Variants in DYNLT2B observed in about 807,000 individuals in gnomAD.
DYNLT2B encodes the protein dynein light chain Tctex-type 2B.
In DYNLT2B, 14 loss-of-function variants were observed where a neutral mutation model predicts 19.5. The observed-to-expected ratio is 0.72, with a 90% CI of 0.47 to 1.12. DYNLT2B has a LOEUF of 1.12. DYNLT2B is among the 50% of genes most tolerant of loss of function. The pLI, the probability that DYNLT2B is intolerant of heterozygous loss-of-function variation, is 0.00. For synonymous variants in DYNLT2B, 70 were observed against 59.7 expected, an observed-to-expected ratio of 1.17 and a Z score of -0.79; for missense variants, 133 against 174.7, an observed-to-expected ratio of 0.76 and a Z score of 1.35.
At chr3:196,317,979 A>T (rs1726930165) in intron 1 of DYNLT2B, 61 bp downstream of exon 1, 3 of 1,044,794 alleles carry the variant, frequency 2.9e-6, no homozygotes, top group Non-Finnish European at 3.9e-6. Context: ...GTCCCAGGCG[A>T]GCTCCGCCCC....
intron 2 of DYNLT2B, among the ~76,000 whole-genome samples, chr3:196,309,947 CAAA>C (rs113938332): frequency 1.5e-5 from 2 of 129,666 alleles, no homozygotes; most frequent in Non-Finnish European, 1.6e-5. Context: ...AAACTCAGTC[CAAA>C]AAAAAAAAGA....
intron 1 of DYNLT2B, 100 bp from the exon 2 acceptor site, chr3:196,316,331 A>C: frequency 1.7e-6 from 2 of 1,204,564 alleles, no homozygotes; most frequent in Non-Finnish European, 2.2e-6. Context: ...AGTACCACTT[A>C]ATCCTTCTTT....
chr3:196,301,995 T>C (rs1356899846), intron 3 of DYNLT2B, among the ~76,000 whole-genome samples: 1 of 151,986 alleles, frequency 6.6e-6, no homozygotes, highest in Admixed American at 6.6e-5. Flanking sequence ...TAGTCTCTGC[T>C]ACTTGGGAGG....
At chr3:196,315,153 C>T (rs535723628) in intron 2 of DYNLT2B, 2 of 397,868 alleles carry the variant, frequency 5.0e-6, no homozygotes, top group Non-Finnish European at 9.7e-6. Flanking sequence ...GAGTAAAAGT[C>T]ACCAAATAAT....
intron 3 of DYNLT2B, among the ~76,000 whole-genome samples, chr3:196,302,931 C>T (rs1726391876): frequency 6.6e-6 from 1 of 151,756 alleles, no homozygotes; most frequent in African/African-American, 2.4e-5. Flanking sequence ...CCAAAGCAGA[C>T]CTCCTTCTTG....
At chr3:196,304,411 G>A (rs1303337228) in intron 3 of DYNLT2B, among the ~76,000 whole-genome samples, 1 of 152,184 alleles carries the variant, frequency 6.6e-6, no homozygotes, top group Non-Finnish European at 1.5e-5. Flanking sequence ...GAGATTACAG[G>A]TGGGAGCCAC....
chr3:196,307,360 G>A (rs1293909255), intron 2 of DYNLT2B, among the ~76,000 whole-genome samples: 2 of 151,940 alleles, frequency 1.3e-5, no homozygotes, highest in Admixed American at 1.3e-4. Flanking sequence ...GGAGTACAGT[G>A]GCACGATCTC....
At chr3:196,309,862 C>T (rs528973549) in intron 2 of DYNLT2B, among the ~76,000 whole-genome samples, 2 of 151,062 alleles carry the variant, frequency 1.3e-5, no homozygotes, top group South Asian at 4.2e-4. Context: ...GCAGGAGAAT[C>T]GCTTGAACCT....
chr3:196,311,939 T>C (rs1299760166), intron 2 of DYNLT2B, among the ~76,000 whole-genome samples: 2 of 152,294 alleles, frequency 1.3e-5, no homozygotes, highest in Admixed American at 1.3e-4. Context: ...TTGGCCAGGC[T>C]TGAGTGCAAT....
chr3:196,309,090 T>C (rs1435554734), intron 2 of DYNLT2B, among the ~76,000 whole-genome samples: 1 of 152,020 alleles, frequency 6.6e-6, no homozygotes, highest in Non-Finnish European at 1.5e-5. Flanking sequence ...TAAACAAAGA[T>C]GCAATAGCAA....
rs772673989 is a variant in DYNLT2B at position 196,316,163 on chromosome 3, T to C, written c.182A>G (p.Tyr61Cys). Reference protein sequence around the residue: ...VLKEELANAEYSPEEMPQLTK... With the variant: ...VLKEELANAECSPEEMPQLTK... ...AAGCTGAGGCATTTCTTCTGGAGAA[T>C]ATTCAGCATTTGCCAGTTCCTCCTT... Residue 61 changes from tyrosine to cysteine, a missense_variant, in exon 2 of 5, where the codon TAT becomes TGT. Physicochemically the swap from Tyr to Cys is radical, Grantham distance 194. Coordinates refer to ENST00000325318, the MANE Select transcript of DYNLT2B (RefSeq NM_152773.5). The C allele has an allele frequency of 1.2e-6, 2 of 1,613,868 alleles. 1 individual carries two copies. The highest frequency in any genetic ancestry group is 4.5e-5 in the East Asian group (2 of 44,898).
intron 3 of DYNLT2B, among the ~76,000 whole-genome samples, chr3:196,300,081 G>A (rs1227267864): frequency 6.6e-6 from 1 of 152,200 alleles, no homozygotes; most frequent in Non-Finnish European, 1.5e-5. Flanking sequence ...ATGGGCTAAG[G>A]AGTTCAGGGG....
At chr3:196,302,603 G>A (rs1726383305) in intron 3 of DYNLT2B, among the ~76,000 whole-genome samples, 1 of 152,180 alleles carries the variant, frequency 6.6e-6, no homozygotes, top group South Asian at 2.1e-4. Flanking sequence ...AATGGGAGAG[G>A]AGAGACAAAT....
chr3:196,291,442 C>G, intron 4 of DYNLT2B, 68 bp from the exon 5 acceptor site: 1 of 1,495,324 alleles, frequency 6.7e-7, no homozygotes. Flanking sequence ...GAGAGCAGCA[C>G]AGGCAACTGA....
At chr3:196,313,737 AAAAAC>A (rs1315841949) in intron 2 of DYNLT2B, among the ~76,000 whole-genome samples, 1 of 152,230 alleles carries the variant, frequency 6.6e-6, no homozygotes, top group Non-Finnish European at 1.5e-5. Context: ...TTCTTAAACT[AAAAAC>A]AAATTCAGAA....
At chr3:196,311,664 TA>T (rs1726646913) in intron 2 of DYNLT2B, among the ~76,000 whole-genome samples, 2 of 39,492 alleles carry the variant, frequency 5.1e-5, no homozygotes, top group African/African-American at 1.1e-4. Flanking sequence ...AGGATTATTT[TA>T]TTTATTTATT....
At chr3:196,306,549 TTTTA>T (rs982797756) in intron 3 of DYNLT2B, among the ~76,000 whole-genome samples, 1 of 152,166 alleles carries the variant, frequency 6.6e-6, no homozygotes, top group African/African-American at 2.4e-5. Context: ...AATAAAGATA[TTTTA>T]TTTATTTATT....
At chr3:196,296,194 G>A (rs1371082025) in intron 3 of DYNLT2B, 125 bp from the exon 4 acceptor site, 3 of 788,926 alleles carry the variant, frequency 3.8e-6, no homozygotes, top group African/African-American at 1.7e-5. Flanking sequence ...CCTTTCACAG[G>A]TAGGTACCCA....
intron 3 of DYNLT2B, among the ~76,000 whole-genome samples, chr3:196,303,096 C>T (rs1355583572): frequency 6.6e-6 from 1 of 152,108 alleles, no homozygotes; most frequent in Admixed American, 6.6e-5. Flanking sequence ...TCAGCTGGCA[C>T]CACCCAGATG....
Sources: gnomAD v4.1 joint callset for allele counts (sites outside exome capture counted in the v4.1 genomes callset) on GRCh38, gnomAD v4.1.1 for gene constraint, MANE v1.5 for transcripts, NCBI Gene and HGNC (gene_info 2026-07-23, HGNC 2026-07-21) for gene names.